NLRP6: variants seen among roughly 807,000 people sequenced by gnomAD.
The protein encoded by NLRP6 is NACHT, LRR and PYD domains-containing protein 6.
NLRP6 carries 55 observed loss-of-function variants against 70.9 expected under a neutral mutation model. The observed-to-expected ratio is 0.78, with a 90% CI of 0.62 to 0.97. The LOEUF (loss-of-function observed/expected upper bound fraction) is 0.97. Ranked by LOEUF, NLRP6 falls within the 50% of genes least tolerant of loss-of-function variation. The pLI, the probability that NLRP6 is intolerant of heterozygous loss-of-function variation, is 0.00. For synonymous variants in NLRP6, 652 were observed against 581.9 expected (o/e 1.12, Z -1.73); for missense variants, 1,241 against 1,238.3 (o/e 1.00, Z -0.03).
At position 279,603 on chromosome 11, in the gene NLRP6, G is replaced by T; in HGVS notation, c.306G>T (p.Leu102=). The part of the protein sequence containing the change: ...DVAAQLQERR[L]QRLGLGSGTL... ...CGGCGCAGCTCCAGGAGCGGCGGCT[G>T]CAGCGTGAGTTCTGCGCGGGAGGTC... Residue 102 remains leucine (L), a synonymous_variant, in exon 2 of 8, where the codon CTG becomes CTT. Transcript: ENST00000534750. 1 of 1,401,238 alleles carries T rather than the reference G, an allele frequency of 7.1e-7. No individual in the cohort carries two copies. The highest frequency in any genetic ancestry group is 9.2e-7 in the Non-Finnish European group (1 of 1,082,288). 86.8% of individuals were successfully genotyped at this position (1,401,238 alleles called of 1,614,324 possible). A position where few individuals can be genotyped will look rare whatever the true frequency, so the allele number is the denominator to read the frequency against.
Position 281,634 on chromosome 11 carries a change from G to T in NLRP6, c.1900G>T (p.Val634Leu). The change falls in exon 4 of 8, where the codon GTG becomes TTG. Residue 634 changes from valine to leucine, a missense_variant. Transcript: ENST00000534750. ...GTACGAGACGCAGGAGGACGCGTTT[G>T]TGCGCCAAGCCCTGTGCCGGTTCCC... ...CLYETQEDAF[V>L]RQALCRFPEL... The T allele has an allele frequency of 6.2e-7, 1 of 1,613,168 alleles. No homozygotes were observed. Among genetic ancestry groups the T allele is most frequent in the Non-Finnish European group, 8.5e-7 (1 of 1,179,806 alleles).
At position 280,704 on chromosome 11, in the gene NLRP6, G is replaced by GA; in HGVS notation, c.970_971insA (p.Val324AspfsTer42). 6.4e-7 allele frequency: 1 copy of GA among 1,571,440 alleles called. No individual in the cohort carries two copies. On this transcript the variant is annotated frameshift_variant, in exon 4 of 8. Coordinates refer to ENST00000534750, the MANE Select transcript of NLRP6 (RefSeq NM_001276700.2). LOFTEE classifies it high-confidence loss of function. ...GCTGCTGCCCACGGCCCTCCTGCTGGTGACCACGCGCGCCGCCGCCCCCGG... is the reference window on the plus strand; with the variant it reads ...GCTGCTGCCCACGGCCCTCCTGCTGGATGACCACGCGCGCCGCCGCCCCCGG...
intron 5 of NLRP6, 52 bp downstream of exon 5, chr11:282,849 G>A: frequency 1.5e-6 from 2 of 1,317,056 alleles, no homozygotes; most frequent in Non-Finnish European, 2.2e-6. Context: ...AGAGCAGGAT[G>A]CCCTGGGCAG....
In NLRP6 at chr11:284,578, G is replaced by GC. The variant is rs777812445; in HGVS notation, c.2478dup (p.Met827HisfsTer78). The stretch of plus-strand genomic sequence containing the variant: ...GGATCTCAGCGGCTGCCAACTGCCC[G>GC]CCCCCATGGTGACCTACCTGTGTGC... On this transcript the variant is annotated frameshift_variant, in exon 7 of 8. Coordinates refer to ENST00000534750, the MANE Select transcript of NLRP6 (RefSeq NM_001276700.2). LOFTEE classifies it high-confidence loss of function. 4 of 1,611,946 alleles carry GC rather than the reference G, an allele frequency of 2.5e-6. No individual in the cohort carries two copies. Among genetic ancestry groups the GC allele is most frequent in the Non-Finnish European group, 3.4e-6 (4 of 1,179,822 alleles).
At position 281,275 on chromosome 11, in the gene NLRP6, A is replaced by G. The variant is rs1213641053; in HGVS notation, c.1541A>G (p.Glu514Gly). 6.2e-7 allele frequency: 1 copy of G among 1,610,290 alleles called. No homozygotes were observed. Among genetic ancestry groups the G allele is most frequent in the Non-Finnish European group, 8.5e-7 (1 of 1,177,878 alleles). The change falls in exon 4 of 8, where the codon GAG (glutamate) becomes GGG (glycine). Residue 514 changes from glutamate to glycine, a missense_variant. Glu to Gly is a moderately conservative substitution (Grantham distance 98, BLOSUM62 -2). Coordinates refer to ENST00000534750, the MANE Select transcript of NLRP6 (RefSeq NM_001276700.2). Reference sequence around the variant, plus strand: ...CTCGCGGCACTGTCCTACCTGCTGGAGGACGGCGGGGTGCCCAGGACCGCG... The same window carrying G: ...CTCGCGGCACTGTCCTACCTGCTGGGGGACGGCGGGGTGCCCAGGACCGCG... ...EFLAALSYLL[E>G]DGGVPRTAAG...
At position 280,418 on chromosome 11, in the gene NLRP6, G is replaced by C. The variant is rs1434080449; in HGVS notation, c.684G>C (p.Gln228His). Residue 228 changes from glutamine to histidine, a missense_variant, in exon 4 of 8, where the codon CAG becomes CAC. Physicochemically the swap from Gln to His is conservative, Grantham distance 24. Coordinates refer to ENST00000534750, the MANE Select transcript of NLRP6 (RefSeq NM_001276700.2). Reference protein sequence around the residue: ...DWAAGKLYQGQVDFAFFMPCG... With the variant: ...DWAAGKLYQGHVDFAFFMPCG... Reference sequence around the variant, plus strand: ...CGGCGGGCAAGCTGTACCAGGGCCAGGTGGACTTCGCCTTCTTCATGCCCT... The same window carrying C: ...CGGCGGGCAAGCTGTACCAGGGCCACGTGGACTTCGCCTTCTTCATGCCCT... The C allele has an allele frequency of 6.3e-7, 1 of 1,587,932 alleles. No homozygotes were observed. The highest frequency in any genetic ancestry group is 8.5e-7 in the Non-Finnish European group (1 of 1,175,534).
At chr11:279,214 G>A in intron 1 of NLRP6, 113 bp from the exon 2 acceptor site, 1 of 918,030 alleles carries the variant, frequency 1.1e-6, no homozygotes, top group Non-Finnish European at 1.4e-6. Flanking sequence ...ACGATGCTTG[G>A]CCCGGGACTC....
At chr11:284,935 C>T (rs1845536974) in intron 7 of NLRP6, among the ~76,000 whole-genome samples, 1 of 152,184 alleles carries the variant, frequency 6.6e-6, no homozygotes, top group Admixed American at 6.5e-5. Context: ...CCCCCAAGGT[C>T]CGGCCTCTGC....
Position 279,571 on chromosome 11 carries a change from G to A in NLRP6, c.274G>A (p.Asp92Asn). ...RKTLKRADAR[D>N]VAAQLQERRL... ...GACCCTCAAGAGGGCGGACGCGCGC[G>A]ACGTGGCGGCGCAGCTCCAGGAGCG... The change falls in exon 2 of 8, where the codon GAC becomes AAC. Residue 92 changes from aspartate to asparagine, a missense_variant. Physicochemically the swap from Asp to Asn is conservative, Grantham distance 23. Coordinates refer to ENST00000534750, the MANE Select transcript of NLRP6 (RefSeq NM_001276700.2). 7.0e-7 allele frequency: 1 copy of A among 1,421,428 alleles called. No individual in the cohort carries two copies. The highest frequency in any genetic ancestry group is 9.2e-7 in the Non-Finnish European group (1 of 1,091,796). 88.1% of individuals were successfully genotyped at this position (1,421,428 alleles called of 1,614,324 possible).
In NLRP6 at chr11:278,939, G is replaced by A; in HGVS notation, c.29+341G>A. 1 of 350,806 alleles carries A rather than the reference G, an allele frequency of 2.9e-6. No homozygotes were observed. The highest frequency in any genetic ancestry group is 5.1e-6 in the Non-Finnish European group (1 of 194,898). The allele number at this position is 350,806 out of a possible 1,614,324, so 21.7% of individuals were successfully genotyped here. ...GGATCGGGAAGAGAGGGAAAAGAAG[G>A]AAAGCGAGGAAAGAGAGCTCAGGGT... On this transcript the variant is annotated intron_variant, in intron 1 of 7. Coordinates refer to ENST00000534750, the MANE Select transcript of NLRP6 (RefSeq NM_001276700.2). The surrounding 1 kb of genome is among the most constrained non-coding windows in gnomAD (Gnocchi z 4.7).
chr11:282,614 T>G, intron 4 of NLRP6, 91 bp from the exon 5 acceptor site: 3 of 1,025,660 alleles, frequency 2.9e-6, no homozygotes, highest in East Asian at 4.8e-5. Flanking sequence ...GGGGCAGCTC[T>G]GAGACCCCAG....
rs199475793 is a variant in NLRP6, at chr11:279,242, G to A, written c.30-85G>A. 3.9e-5 allele frequency: 44 copies of A among 1,142,188 alleles called. No individual in the cohort carries two copies. The African/African-American group carries it at 5.0e-4, about 13-fold the overall frequency. The allele number at this position is 1,142,188 out of a possible 1,614,324, so 70.8% of individuals were successfully genotyped here. A position where few individuals can be genotyped will look rare whatever the true frequency, so the allele number is the denominator to read the frequency against. ...CGGGACTCCCTGAGGCCCTGCCCGC[G>A]GTGGGTTCTCCGGCGCCAGAGTCGG... On this transcript the variant is annotated intron_variant, in intron 1 of 7. Coordinates refer to ENST00000534750, the MANE Select transcript of NLRP6 (RefSeq NM_001276700.2).
At chr11:283,158 G>C (rs887027680) in intron 5 of NLRP6, among the ~76,000 whole-genome samples, 1 of 152,110 alleles carries the variant, frequency 6.6e-6, no homozygotes, top group Admixed American at 6.5e-5. Flanking sequence ...TCAAGCGCAG[G>C]CTCCAAGGTC....
intron 7 of NLRP6, 114 bp from the exon 8 acceptor site, chr11:285,052 C>T: frequency 1.1e-6 from 1 of 895,870 alleles, no homozygotes; most frequent in South Asian, 1.6e-5. Flanking sequence ...CCCGGCCACC[C>T]CCACGGCACT....
chr11:284,279 G>A lies in NLRP6; in HGVS notation c.2248G>A (p.Ala750Thr), dbSNP rs1415480462. The change falls in exon 6 of 8, where the codon GCC (alanine) becomes ACC (threonine). Residue 750 changes from alanine (A) to threonine (T), a missense_variant. Transcript: ENST00000534750. ...CGCGGTCTGCCGAGACCTTTCTGAG[G>A]CCCTGAGGGCAGCCCCCGCACTGAC... ...PDAVCRDLSE[A>T]LRAAPALTEL... The A allele has an allele frequency of 1.9e-6, 3 of 1,612,900 alleles. No individual in the cohort carries two copies. Among genetic ancestry groups the A allele is most frequent in the African/African-American group, 2.7e-5 (2 of 74,930 alleles).
Position 284,370 on chromosome 11 carries a change from C to G in NLRP6, c.2339C>G (p.Ala780Gly). Residue 780 changes from alanine to glycine, a missense_variant, in exon 6 of 8, where the codon GCC (alanine) becomes GGC (glycine). By Grantham distance (60) the Ala-to-Gly change is moderately conservative. Transcript: ENST00000534750. ...AGLRMLSEGL[A>G]WPQCRVQTVR... ...CTGCGTATGCTGAGTGAGGGCCTAG[C>G]CTGGCCGCAGTGCAGGGTGCAGACG... The G allele has an allele frequency of 2.5e-6, 4 of 1,603,312 alleles. No individual in the cohort carries two copies. The highest frequency in any genetic ancestry group is 3.4e-6 in the Non-Finnish European group (4 of 1,173,762).
chr11:282,834 G>A, intron 5 of NLRP6, 37 bp downstream of exon 5: 1 of 1,475,176 alleles, frequency 6.8e-7, no homozygotes, highest in Non-Finnish European at 9.5e-7. Flanking sequence ...CCACGGAGCG[G>A]GCTGAGAGCA....
Position 279,891 on chromosome 11 carries a change from G to A in NLRP6, c.349+19G>A, listed in dbSNP as rs773069295. ...GTGTCCGGTGGGTCTCTCGCTGGGG[G>A]GGCACGAGTGTCCCCAACCCCACTT... On this transcript the variant is annotated intron_variant, in intron 3 of 7. Transcript: ENST00000534750. The A allele has an allele frequency of 3.3e-5, 50 of 1,518,676 alleles. No homozygotes were observed. The South Asian group carries it at 4.9e-4, about 15-fold the overall frequency. 94.1% of individuals were successfully genotyped at this position (1,518,676 alleles called of 1,614,324 possible). A position where few individuals can be genotyped will look rare whatever the true frequency, so the allele number is the denominator to read the frequency against.
intron 3 of NLRP6, 68 bp downstream of exon 3, chr11:279,940 G>T: frequency 6.9e-7 from 1 of 1,446,698 alleles, no homozygotes. Flanking sequence ...GAGGACCGGG[G>T]TGGGAGGGCC....
Sources: gnomAD v4.1 joint callset for allele counts (sites outside exome capture counted in the v4.1 genomes callset) on GRCh38, gnomAD v4.1.1 for gene constraint, Gnocchi (gnomAD v3.1) non-coding constraint, MANE v1.5 for transcripts, NCBI Gene and HGNC (gene_info 2026-07-23, HGNC 2026-07-21) for gene names.